Variants in DLC1 observed in about 807,000 individuals in gnomAD.
The protein encoded by DLC1 is rho GTPase-activating protein 7.
A neutral mutation model predicts 140.3 loss-of-function variants in DLC1; 54 were observed. That is an observed-to-expected ratio of 0.38 (90% CI 0.31 to 0.48). DLC1 has a LOEUF of 0.48. Ranked by LOEUF, DLC1 falls within the 20% of genes least tolerant of loss-of-function variation. The pLI is 0.96. For synonymous variants in DLC1, 986 were observed against 728.1 expected (o/e 1.35, Z -5.70); for missense variants, 2,536 against 1,907.0 (o/e 1.33, Z -6.14).
chr8:13,247,342 T>C (rs535180575), intron 5 of DLC1, among the ~76,000 whole-genome samples: 1 of 152,204 alleles, frequency 6.6e-6, no homozygotes, highest in Non-Finnish European at 1.5e-5. Flanking sequence ...CAAAGCAGTA[T>C]CAACTATAGA....
At chr8:13,389,714 A>T (rs2117198060) in intron 4 of DLC1, among the ~76,000 whole-genome samples, 1 of 152,310 alleles carries the variant, frequency 6.6e-6, no homozygotes, top group South Asian at 2.1e-4. Context: ...ACTGAAAAAT[A>T]GGCACTTAGA....
At chr8:13,411,607 G>A (rs1327948011) in intron 2 of DLC1, among the ~76,000 whole-genome samples, 2 of 152,088 alleles carry the variant, frequency 1.3e-5, no homozygotes, top group Non-Finnish European at 2.9e-5. Context: ...CTTTGGTGCT[G>A]GATGTTGATG....
At chr8:13,101,146 A>G (rs754835486) in intron 8 of DLC1, among the ~76,000 whole-genome samples, 2 of 152,184 alleles carry the variant, frequency 1.3e-5, no homozygotes, top group East Asian at 3.9e-4. Context: ...CCTGGCCTCA[A>G]GCGATCCTCC....
intron 5 of DLC1, among the ~76,000 whole-genome samples, chr8:13,231,297 C>T (rs888068031): frequency 3.3e-5 from 5 of 151,722 alleles, no homozygotes; most frequent in African/African-American, 1.2e-4. Context: ...TTAATGTTTT[C>T]ATGTGTCACC....
intron 4 of DLC1, among the ~76,000 whole-genome samples, chr8:13,372,015 A>G (rs1166206707): frequency 2.6e-5 from 4 of 152,338 alleles, no homozygotes; most frequent in African/African-American, 7.2e-5. Flanking sequence ...CCTCTTGAAA[A>G]TGCATTCACC....
In DLC1 at chr8:13,091,171, T is replaced by C. The variant is rs976419734; in HGVS notation, c.3855+147A>G. On this transcript the variant is annotated intron_variant, in intron 14 of 17. Coordinates refer to ENST00000276297, the MANE Select transcript of DLC1 (RefSeq NM_182643.3). Reference sequence around the variant, plus strand: ...TAACTCTAGCTGATACATTATAATATATGTAAATAAGACATTCTCAGGCTA... The same window carrying C: ...TAACTCTAGCTGATACATTATAATACATGTAAATAAGACATTCTCAGGCTA... 3 of 650,932 alleles carry C rather than the reference T, an allele frequency of 4.6e-6. No homozygotes were observed. In the African/African-American group the frequency reaches 5.5e-5, roughly 12 times the overall value. 40.3% of individuals were successfully genotyped at this position (650,932 alleles called of 1,614,324 possible). A position where few individuals can be genotyped will look rare whatever the true frequency, so the allele number is the denominator to read the frequency against.
At chr8:13,219,754 A>T (rs1414948018) in intron 5 of DLC1, among the ~76,000 whole-genome samples, 1 of 152,156 alleles carries the variant, frequency 6.6e-6, no homozygotes, top group Non-Finnish European at 1.5e-5. Context: ...TATTTATAGC[A>T]ACCAAAAGTG....
chr8:13,175,776 T>C (rs1254068022), intron 5 of DLC1, among the ~76,000 whole-genome samples: 1 of 152,164 alleles, frequency 6.6e-6, no homozygotes, highest in Non-Finnish European at 1.5e-5. Context: ...AATACATGTA[T>C]ATATATATTC....
chr8:13,508,951 C>T (rs764008446), intron 1 of DLC1, among the ~76,000 whole-genome samples: 3 of 152,086 alleles, frequency 2.0e-5, no homozygotes, highest in Middle Eastern at 3.2e-3. Context: ...GAAGTATTGC[C>T]TTTCCTCTGA....
chr8:13,175,687 G>T (rs369976700), intron 5 of DLC1, among the ~76,000 whole-genome samples: 1 of 152,032 alleles, frequency 6.6e-6, no homozygotes, highest in Admixed American at 6.6e-5. Context: ...CTAATAGACC[G>T]CAGACTTGAG....
intron 5 of DLC1, among the ~76,000 whole-genome samples, chr8:13,140,257 C>T (rs912313023): frequency 4.6e-5 from 7 of 152,090 alleles, no homozygotes; most frequent in African/African-American, 7.2e-5. Context: ...TTTCCAGACA[C>T]GATCTTGCTC....
intron 4 of DLC1, among the ~76,000 whole-genome samples, chr8:13,319,298 G>C (rs1614465): frequency 0.94 from 143,584 of 152,270 alleles, 68,040 homozygotes; most frequent in East Asian, 1. Flanking sequence ...TTTCGCCTCC[G>C]TTCCCTGCCC....
At chr8:13,470,192 A>G (rs1389686201) in intron 2 of DLC1, among the ~76,000 whole-genome samples, 2 of 152,234 alleles carry the variant, frequency 1.3e-5, no homozygotes, top group African/African-American at 4.8e-5. Flanking sequence ...TTATCTGACT[A>G]CATAAGTTAA....
chr8:13,242,976 T>C (rs1829605653), intron 5 of DLC1, among the ~76,000 whole-genome samples: 1 of 151,950 alleles, frequency 6.6e-6, no homozygotes, highest in Non-Finnish European at 1.5e-5. Context: ...GGGGTGGATT[T>C]CCCCCTTGTT....
chr8:13,412,879 C>A (rs569650922), intron 2 of DLC1, among the ~76,000 whole-genome samples: 2 of 138,732 alleles, frequency 1.4e-5, no homozygotes, highest in East Asian at 4.4e-4. Flanking sequence ...TTGCAGTAAG[C>A]TGAGATCGTG....
chr8:13,420,793 C>G (rs1019592167), intron 2 of DLC1, among the ~76,000 whole-genome samples: 4 of 152,038 alleles, frequency 2.6e-5, no homozygotes, highest in Admixed American at 2.0e-4. Context: ...ATTTTCCTGA[C>G]CATTTTTGAC....
rs1023073352 is a variant in DLC1 at position 13,102,721 on chromosome 8, A to T, written c.1566+69T>A. 6 of 1,385,696 alleles carry T rather than the reference A, an allele frequency of 4.3e-6. No homozygotes were observed. The African/African-American group carries it at 8.5e-5, about 20-fold the overall frequency. The allele number at this position is 1,385,696 out of a possible 1,614,324, so 85.8% of individuals were successfully genotyped here. On this transcript the variant is annotated intron_variant, in intron 8 of 17. Coordinates refer to ENST00000276297, the MANE Select transcript of DLC1 (RefSeq NM_182643.3). Reference sequence around the variant, plus strand: ...GAGTTGGAGAAACAAAACCTATTACAAAACACATCATTCACTTTTTTGTTT... The same window carrying T: ...GAGTTGGAGAAACAAAACCTATTACTAAACACATCATTCACTTTTTTGTTT...
At chr8:13,261,454 A>C (rs1830464702) in intron 5 of DLC1, among the ~76,000 whole-genome samples, 1 of 152,054 alleles carries the variant, frequency 6.6e-6, no homozygotes, top group African/African-American at 2.4e-5. Context: ...TGAGGGAAAG[A>C]TATTGGAGGG....
intron 3 of DLC1, among the ~76,000 whole-genome samples, chr8:13,394,204 T>A (rs1286702822): frequency 1.3e-5 from 2 of 152,224 alleles, no homozygotes; most frequent in Non-Finnish European, 2.9e-5. Context: ...CCTGGAATAT[T>A]TGAGCTGAAA....
Sources: gnomAD v4.1 joint callset for allele counts (sites outside exome capture counted in the v4.1 genomes callset) on GRCh38, gnomAD v4.1.1 for gene constraint, MANE v1.5 for transcripts, NCBI Gene and HGNC (gene_info 2026-07-23, HGNC 2026-07-21) for gene names.